The following TNPO1 variants were observed in gnomAD, a reference collection of about 807,000 sequenced individuals.
TNPO1 encodes the protein transportin 1, also known as transportin-1.
Under a neutral mutation model 119.5 loss-of-function variants are expected in TNPO1, and 8 were observed. The ratio of observed to expected loss-of-function variants is 0.07; its 90% CI spans 0.04 to 0.12. The LOEUF (loss-of-function observed/expected upper bound fraction) is 0.12. TNPO1 is among the 10% of genes least tolerant of loss of function. The probability of loss-of-function intolerance (pLI) is 1.00; values close to 1 mark genes in which losing one functional copy is unlikely to be tolerated. For synonymous variants in TNPO1, 362 were observed against 363.0 expected, an observed-to-expected ratio of 1.00 and a Z score of 0.03; for missense variants, 576 against 1,089.8, an observed-to-expected ratio of 0.53 and a Z score of 6.64.
chr5:72,854,448 A>G (rs1038269265), intron 3 of TNPO1, among the ~76,000 whole-genome samples: 2 of 152,226 alleles, frequency 1.3e-5, no homozygotes, highest in African/African-American at 4.8e-5. Flanking sequence ...AGCTTGGGAT[A>G]TATTATTTTT....
intron 14 of TNPO1, among the ~76,000 whole-genome samples, chr5:72,890,256 C>T (rs949583573): frequency 2.0e-5 from 3 of 152,184 alleles, no homozygotes; most frequent in Admixed American, 6.5e-5. Context: ...TCTGCTTTTA[C>T]TTAATTCCTA....
rs187372592 is a variant in TNPO1, at chr5:72,904,289, G to C, written c.2589+506G>C. Among the ~76,000 whole-genome samples the C allele has an allele frequency of 2.0e-3, 304 of 152,268 alleles. 3 individuals carry two copies. The highest frequency in any genetic ancestry group is 7.1e-3 in the African/African-American group (294 of 41,548). ...TCGTGAACTCAAAGCTTGTGTATTT[G>C]CAGTTTGAAAAAATACGACATAAAA... On this transcript the variant is annotated intron_variant, in intron 23 of 24. Transcript: ENST00000337273.
At chr5:72,851,094 T>C in intron 2 of TNPO1, 150 bp from the exon 3 acceptor site, 1 of 605,306 alleles carries the variant, frequency 1.7e-6, no homozygotes, top group Non-Finnish European at 3.0e-6. Context: ...TAGATGTTGA[T>C]AGATTTAGTA....
At chr5:72,857,838 G>A (rs1321826164) in intron 4 of TNPO1, among the ~76,000 whole-genome samples, 1 of 152,106 alleles carries the variant, frequency 6.6e-6, no homozygotes, top group Non-Finnish European at 1.5e-5. Context: ...GAGAAGAATT[G>A]GTTTTATCTC....
intron 7 of TNPO1, among the ~76,000 whole-genome samples, chr5:72,873,464 G>A (rs188651679): frequency 1.4e-4 from 21 of 152,186 alleles, no homozygotes; most frequent in Admixed American, 9.8e-4. Context: ...AAATTGACCA[G>A]CTTCTTTCTG....
intron 1 of TNPO1, among the ~76,000 whole-genome samples, chr5:72,826,133 C>A (rs1744197066): frequency 6.6e-6 from 1 of 152,074 alleles, no homozygotes; most frequent in African/African-American, 2.4e-5. Context: ...ACTTACCTCC[C>A]AGTCTTTGCT....
chr5:72,906,269 TTTTTTC>T (rs1750146657), intron 24 of TNPO1, among the ~76,000 whole-genome samples: 2 of 64,956 alleles, frequency 3.1e-5, no homozygotes, highest in Admixed American at 2.2e-4. Context: ...CATCACTTTT[TTTTTTC>T]TTTTTTTTTT....
intron 6 of TNPO1, among the ~76,000 whole-genome samples, chr5:72,870,105 A>G (rs1747265814): frequency 6.6e-6 from 1 of 150,804 alleles, no homozygotes; most frequent in Non-Finnish European, 1.5e-5. Flanking sequence ...TTGGAATAAC[A>G]TTAAATCTGT....
At chr5:72,863,028 T>G (rs1224437428) in intron 5 of TNPO1, among the ~76,000 whole-genome samples, 6 of 132,878 alleles carry the variant, frequency 4.5e-5, no homozygotes, top group Admixed American at 1.4e-4. Context: ...GTGTGTGTGG[T>G]TTTTTTTGTT....
chr5:72,900,681 GTTC>G (rs370802335), intron 21 of TNPO1, among the ~76,000 whole-genome samples: 113 of 152,126 alleles, frequency 7.4e-4, no homozygotes, highest in African/African-American at 2.6e-3. Context: ...TTGGTAATTT[GTTC>G]TTCTTGGCTC....
intron 1 of TNPO1, among the ~76,000 whole-genome samples, chr5:72,835,945 C>T (rs145158838): frequency 4.6e-5 from 7 of 152,236 alleles, no homozygotes; most frequent in African/African-American, 1.7e-4. Flanking sequence ...CTTAAGGCTC[C>T]AGAATAATCT....
chr5:72,851,098 TTTAG>T (rs1438344889), intron 2 of TNPO1, 142 bp from the exon 3 acceptor site: 3 of 617,208 alleles, frequency 4.9e-6, no homozygotes, highest in East Asian at 2.9e-5. Flanking sequence ...TGTTGATAGA[TTTAG>T]TAAGATATCC....
At chr5:72,834,012 A>T (rs759516184) in intron 1 of TNPO1, among the ~76,000 whole-genome samples, 1 of 152,132 alleles carries the variant, frequency 6.6e-6, no homozygotes, top group Non-Finnish European at 1.5e-5. Context: ...AACTACACTC[A>T]TGCATTTCAG....
At position 72,912,700 on chromosome 5, in the gene TNPO1, G is replaced by C. The variant is rs989442466; in HGVS notation, c.*4027G>C. The C allele has an allele frequency of 6.6e-6, 1 of 152,306 alleles. No individual in the cohort carries two copies. The highest frequency in any genetic ancestry group is 1.5e-5 in the Non-Finnish European group (1 of 67,910). The allele number at this position is 152,306 out of a possible 1,614,324, so 9.4% of individuals were successfully genotyped here. ...TTCAAACTCTCAAAATAGGAAAGTG[G>C]AAATTTTTCTCCCCTATATAAAATT... is the stretch of plus-strand genomic sequence containing the variant. On this transcript the variant is annotated 3_prime_UTR_variant, in exon 25 of 25. Transcript: ENST00000337273.
intron 11 of TNPO1, among the ~76,000 whole-genome samples, chr5:72,884,005 C>T (rs925385074): frequency 3.9e-5 from 6 of 152,144 alleles, no homozygotes; most frequent in Non-Finnish European, 7.3e-5. Flanking sequence ...CCGCCTTGCC[C>T]TCCCAAAGTG....
chr5:72,874,503 A>T (rs143255120), intron 7 of TNPO1, among the ~76,000 whole-genome samples: 39 of 152,206 alleles, frequency 2.6e-4, no homozygotes, highest in Admixed American at 2.4e-3. Flanking sequence ...AAATCTTTTA[A>T]TAAAATTTAA....
chr5:72,865,783 T>C (rs1229809155), intron 6 of TNPO1, 54 bp downstream of exon 6: 18 of 1,528,678 alleles, frequency 1.2e-5, no homozygotes, highest in South Asian at 3.7e-5. Flanking sequence ...CTGACCATTA[T>C]CTTAGTTTTC....
At chr5:72,893,829 T>G (rs997336538) in intron 18 of TNPO1, 126 bp downstream of exon 18, 1 of 911,456 alleles carries the variant, frequency 1.1e-6, no homozygotes, top group East Asian at 2.6e-5. Flanking sequence ...ACTTTATTGG[T>G]TAAAGTAAAC....
chr5:72,895,480 G>T (rs1222122707), intron 18 of TNPO1, among the ~76,000 whole-genome samples: 2 of 151,876 alleles, frequency 1.3e-5, no homozygotes, highest in Admixed American at 6.6e-5. Flanking sequence ...TGCTGGAGAG[G>T]TGCCATTGAT....
Sources: allele counts gnomAD v4.1 joint callset (sites outside exome capture counted in the v4.1 genomes callset), GRCh38; gene constraint gnomAD v4.1.1; transcripts MANE v1.5; gene names NCBI Gene and HGNC (gene_info 2026-07-23, HGNC 2026-07-21).